The following EPHA6 variants were observed in gnomAD, a reference collection of about 807,000 sequenced individuals.
EPHA6 encodes EPH receptor A6, also known as ephrin type-A receptor 6.
Under a neutral mutation model 112.0 loss-of-function variants are expected in EPHA6, and 50 were observed. That is an observed-to-expected ratio of 0.45 (90% CI 0.36 to 0.56). The LOEUF is 0.56. Among genes scored for constraint, EPHA6 ranks in the 20% least tolerant of loss-of-function variants. EPHA6 has a pLI of 0.00. For missense variants in EPHA6, 1,280 were observed against 1,417.4 expected (o/e 0.90, Z 1.56); for synonymous variants, 529 against 490.7 (o/e 1.08, Z -1.03).
chr3:97,588,741 T>C (rs985521413), intron 11 of EPHA6, among the ~76,000 whole-genome samples: 10 of 152,242 alleles, frequency 6.6e-5, no homozygotes, highest in African/African-American at 2.2e-4. Flanking sequence ...GAGTCAGTTA[T>C]AATTTTCAAT....
chr3:97,540,190 A>G (rs1301768286), intron 11 of EPHA6, among the ~76,000 whole-genome samples: 1 of 152,194 alleles, frequency 6.6e-6, no homozygotes, highest in Non-Finnish European at 1.5e-5. Context: ...ACCAACCTTA[A>G]TACTTTTTGC....
At chr3:97,089,196 G>A (rs1459615547) in intron 3 of EPHA6, among the ~76,000 whole-genome samples, 1 of 152,076 alleles carries the variant, frequency 6.6e-6, no homozygotes, top group Non-Finnish European at 1.5e-5. Flanking sequence ...CTGTACCAGT[G>A]AGAACTGGCT....
chr3:97,672,254 C>T (rs2107660850), intron 14 of EPHA6, among the ~76,000 whole-genome samples: 1 of 152,246 alleles, frequency 6.6e-6, no homozygotes, highest in Non-Finnish European at 1.5e-5. Context: ...AATATTCCAG[C>T]TTTTAACTCT....
Position 97,748,685 on chromosome 3 carries a change from A to G in EPHA6, c.3377A>G (p.Lys1126Arg). ...TTACACATGATGCACATACAGGAGA[A>G]GGGATTTCATGTATGAAAGTACCAC... Reference protein sequence around the residue: ...LRLHMMHIQEKGFHV With the variant: ...LRLHMMHIQERGFHV Residue 1126 changes from lysine (K) to arginine (R), a missense_variant, in exon 18 of 18, where the codon AAG becomes AGG. Physicochemically the swap from Lys to Arg is conservative, Grantham distance 26. This residue lies in a region of EPHA6 where 145 missense variants were observed against 153.3 expected (regional missense o/e 0.95). Transcript: ENST00000389672. The G allele has an allele frequency of 6.3e-7, 1 of 1,596,538 alleles. No individual in the cohort carries two copies. The highest frequency in any genetic ancestry group is 8.6e-7 in the Non-Finnish European group (1 of 1,164,304).
chr3:97,666,499 T>A (rs1209310936), intron 14 of EPHA6, among the ~76,000 whole-genome samples: 3 of 152,216 alleles, frequency 2.0e-5, no homozygotes, highest in African/African-American at 7.2e-5. Context: ...TTGTTGGCAA[T>A]CCTTGATGTT....
intron 11 of EPHA6, among the ~76,000 whole-genome samples, chr3:97,559,408 G>A (rs536591695): frequency 1.3e-5 from 2 of 152,046 alleles, no homozygotes; most frequent in South Asian, 2.1e-4. Flanking sequence ...CAGAAAGGCA[G>A]GACATACAGC....
intron 14 of EPHA6, among the ~76,000 whole-genome samples, chr3:97,669,261 G>T (rs952806628): frequency 2.1e-5 from 3 of 144,294 alleles, no homozygotes; most frequent in Admixed American, 6.9e-5. Context: ...TTTCTGTTTT[G>T]TTTTTTTTTT....
chr3:97,004,839 A>G (rs1450611638), intron 3 of EPHA6, among the ~76,000 whole-genome samples: 3 of 152,192 alleles, frequency 2.0e-5, no homozygotes, highest in East Asian at 1.9e-4. Flanking sequence ...GAAAGTGTCC[A>G]GTTTTTCCAG....
At chr3:97,259,322 ACT>A (rs763793155) in intron 5 of EPHA6, among the ~76,000 whole-genome samples, 9 of 151,788 alleles carry the variant, frequency 5.9e-5, no homozygotes, top group East Asian at 5.8e-4. Flanking sequence ...TTCACATTCC[ACT>A]CTCTGTCACT....
In EPHA6 at chr3:97,527,790, C is replaced by T. The variant is rs182259287; in HGVS notation, c.2201-4568C>T. 1.9e-3 allele frequency among the ~76,000 whole-genome samples: 294 copies of T among 152,140 alleles called. 5 individuals carry two copies. The highest frequency in any genetic ancestry group is 1.6e-3 in the Non-Finnish European group (112 of 67,982). On this transcript the variant is annotated intron_variant, in intron 10 of 17. Transcript: ENST00000389672. ...ATGTGATTGGCTTGTTTGAGTAGCTCCACAGGCTGGCATGGAACTGAAACT... is the reference window on the plus strand; with the variant it reads ...ATGTGATTGGCTTGTTTGAGTAGCTTCACAGGCTGGCATGGAACTGAAACT...
At chr3:97,206,314 T>C (rs1375551157) in intron 3 of EPHA6, among the ~76,000 whole-genome samples, 1 of 152,112 alleles carries the variant, frequency 6.6e-6, no homozygotes, top group African/African-American at 2.4e-5. Flanking sequence ...AATCCATGTA[T>C]GTAAACTCTT....
chr3:97,543,002 G>A (rs886878775), intron 11 of EPHA6, among the ~76,000 whole-genome samples: 5 of 152,106 alleles, frequency 3.3e-5, no homozygotes, highest in Non-Finnish European at 5.9e-5. Flanking sequence ...TTAGCCTTTT[G>A]TCAGATGAAT....
intron 5 of EPHA6, among the ~76,000 whole-genome samples, chr3:97,254,362 G>A (rs937212382): frequency 6.6e-6 from 1 of 151,988 alleles, no homozygotes; most frequent in Non-Finnish European, 1.5e-5. Flanking sequence ...GTAATTTTTT[G>A]TATTTTTAAT....
intron 17 of EPHA6, 91 bp from the exon 18 acceptor site, chr3:97,748,496 A>G (rs895149257): frequency 1.4e-6 from 1 of 714,724 alleles, no homozygotes; most frequent in Non-Finnish European, 2.6e-6. Context: ...TGCTTATTAG[A>G]TCTGAATGTT....
At chr3:97,202,170 C>A (rs2108499352) in intron 3 of EPHA6, among the ~76,000 whole-genome samples, 1 of 151,990 alleles carries the variant, frequency 6.6e-6, no homozygotes, top group South Asian at 2.1e-4. Flanking sequence ...ACTCTTCATA[C>A]CAGAAACTCC....
At chr3:97,187,937 A>G (rs747465227) in intron 3 of EPHA6, among the ~76,000 whole-genome samples, 15 of 152,258 alleles carry the variant, frequency 9.9e-5, no homozygotes, top group Admixed American at 2.0e-4. Flanking sequence ...ATGCAAATTA[A>G]AACAAGAATG....
chr3:97,706,344 GA>G (rs2107750414), intron 14 of EPHA6, among the ~76,000 whole-genome samples: 1 of 152,190 alleles, frequency 6.6e-6, no homozygotes, highest in East Asian at 1.9e-4. Context: ...AAACAAAAAA[GA>G]AATCAAACCA....
At chr3:96,929,159 A>G (rs1196838011) in intron 2 of EPHA6, among the ~76,000 whole-genome samples, 3 of 152,174 alleles carry the variant, frequency 2.0e-5, no homozygotes, top group Admixed American at 2.0e-4. Context: ...CTGGAGCTCA[A>G]GTGGTTAGAG....
chr3:97,023,598 A>G (rs138271922), intron 3 of EPHA6, among the ~76,000 whole-genome samples: 1 of 152,112 alleles, frequency 6.6e-6, no homozygotes, highest in Non-Finnish European at 1.5e-5. Context: ...ACTAATATCT[A>G]TTATCAGGGA....
Sources: allele counts gnomAD v4.1 joint callset (sites outside exome capture counted in the v4.1 genomes callset), GRCh38; gene constraint gnomAD v4.1.1; regional missense constraint gnomAD v4.1.1; transcripts MANE v1.5; gene names NCBI Gene and HGNC (gene_info 2026-07-23, HGNC 2026-07-21).